Variants in RSRC1 observed in about 807,000 individuals in gnomAD.
RSRC1 encodes serine/Arginine-related protein 53.
Under a neutral mutation model 49.1 loss-of-function variants are expected in RSRC1, and 39 were observed. The observed-to-expected ratio is 0.79, with a 90% CI of 0.61 to 1.04. The LOEUF (loss-of-function observed/expected upper bound fraction) is 1.04. Ranked by LOEUF, RSRC1 falls within the 50% of genes least tolerant of loss-of-function variation. The probability of loss-of-function intolerance (pLI) is 0.00; values close to 1 mark genes in which losing one functional copy is unlikely to be tolerated. For missense variants in RSRC1, 388 were observed against 402.4 expected, an observed-to-expected ratio of 0.96 and a Z score of 0.31; for synonymous variants, 143 against 130.8, an observed-to-expected ratio of 1.09 and a Z score of -0.63.
intron 5 of RSRC1, among the ~76,000 whole-genome samples, chr3:158,342,883 C>T (rs1242346843): frequency 6.6e-6 from 1 of 152,198 alleles, no homozygotes; most frequent in East Asian, 1.9e-4. Flanking sequence ...CCTCAACTTA[C>T]TGCCTAGAGA....
At position 158,447,501 on chromosome 3, in the gene RSRC1, T is replaced by C. The variant is rs148358064; in HGVS notation, c.584-13434T>C. Among the ~76,000 whole-genome samples, 262 of 152,160 alleles carry C rather than the reference T, an allele frequency of 1.7e-3. 1 individual carries two copies. The highest frequency in any genetic ancestry group is 6.2e-3 in the African/African-American group (256 of 41,560). ...AGAATTAGATTTGTTTTATATGTTA[T>C]TTCCACACAGTTTTTAAAAAGCCAT... On this transcript the variant is annotated intron_variant, in intron 6 of 9. Coordinates refer to ENST00000611884, the MANE Select transcript of RSRC1 (RefSeq NM_001271838.2).
chr3:158,233,144 T>A (rs1161944215), intron 4 of RSRC1, among the ~76,000 whole-genome samples: 1 of 152,136 alleles, frequency 6.6e-6, no homozygotes, highest in Non-Finnish European at 1.5e-5. Flanking sequence ...GGGAAAGACA[T>A]AAATTCCTTT....
intron 4 of RSRC1, among the ~76,000 whole-genome samples, chr3:158,215,747 G>A (rs992118572): frequency 6.6e-5 from 10 of 151,806 alleles, no homozygotes; most frequent in Admixed American, 5.3e-4. Flanking sequence ...GCTTCAGTTG[G>A]AATGTGGAAA....
chr3:158,227,948 C>T (rs1722618910), intron 4 of RSRC1, among the ~76,000 whole-genome samples: 2 of 152,012 alleles, frequency 1.3e-5, no homozygotes, highest in Non-Finnish European at 2.9e-5. Flanking sequence ...GACTGCCAAA[C>T]CCTGTTGTAT....
chr3:158,278,487 A>G (rs1725942339), intron 4 of RSRC1, among the ~76,000 whole-genome samples: 3 of 152,166 alleles, frequency 2.0e-5, no homozygotes, highest in Admixed American at 2.0e-4. Flanking sequence ...ATGGAGGCTA[A>G]TTCTTAAGTC....
chr3:158,352,193 G>GCCCAGGAGTTC (rs1238091842), intron 5 of RSRC1, among the ~76,000 whole-genome samples: 1 of 151,850 alleles, frequency 6.6e-6, no homozygotes, highest in East Asian at 1.9e-4. Context: ...GATTACTTAA[G>GCCCAGGAGTTC]CCCAGGAGTT....
intron 6 of RSRC1, among the ~76,000 whole-genome samples, chr3:158,382,946 T>TC (rs1732777640): frequency 6.6e-6 from 1 of 152,206 alleles, no homozygotes; most frequent in South Asian, 2.1e-4. Context: ...AAATAATTCT[T>TC]CCTTCTCTTC....
intron 4 of RSRC1, among the ~76,000 whole-genome samples, chr3:158,210,855 C>T (rs1393626638): frequency 6.6e-6 from 1 of 152,054 alleles, no homozygotes; most frequent in Non-Finnish European, 1.5e-5. Flanking sequence ...TATATCAGTA[C>T]ATTTAAATTA....
chr3:158,123,807 C>T, intron 2 of RSRC1, 59 bp from the exon 3 acceptor site: 1 of 1,500,412 alleles, frequency 6.7e-7, no homozygotes, highest in Non-Finnish European at 9.0e-7. Flanking sequence ...GAAGGTTTTT[C>T]CTTAATGCTC....
intron 7 of RSRC1, among the ~76,000 whole-genome samples, chr3:158,504,226 T>A (rs1739745636): frequency 6.6e-6 from 1 of 152,244 alleles, no homozygotes; most frequent in African/African-American, 2.4e-5. Context: ...GTATTTGGGA[T>A]GTCTCCCAGG....
At chr3:158,429,398 G>A (rs1326599558) in intron 6 of RSRC1, among the ~76,000 whole-genome samples, 1 of 138,466 alleles carries the variant, frequency 7.2e-6, no homozygotes, top group Non-Finnish European at 1.6e-5. Flanking sequence ...TTCAGTTATA[G>A]TAAAAGCAAT....
chr3:158,117,613 AT>A (rs1318687494), intron 1 of RSRC1, among the ~76,000 whole-genome samples: 8 of 138,184 alleles, frequency 5.8e-5, no homozygotes, highest in Non-Finnish European at 9.3e-5. Context: ...TTTTTGGGTA[AT>A]TTTTTTTTGT....
chr3:158,202,227 C>G (rs183499328), intron 3 of RSRC1, among the ~76,000 whole-genome samples: 21 of 152,196 alleles, frequency 1.4e-4, no homozygotes, highest in African/African-American at 4.6e-4. Flanking sequence ...GTTGGCCAGG[C>G]TGGTCTCGGA....
chr3:158,336,202 G>A (rs1729876725), intron 5 of RSRC1, among the ~76,000 whole-genome samples: 2 of 152,230 alleles, frequency 1.3e-5, no homozygotes, highest in Non-Finnish European at 2.9e-5. Flanking sequence ...CTGGGAACAG[G>A]TAACATCCTA....
chr3:158,245,949 CT>C (rs1315565265), intron 4 of RSRC1, among the ~76,000 whole-genome samples: 1 of 152,050 alleles, frequency 6.6e-6, no homozygotes, highest in Non-Finnish European at 1.5e-5. Context: ...TGTAATGAGT[CT>C]TTTAAATACA....
chr3:158,260,506 G>T (rs1724828375), intron 4 of RSRC1, among the ~76,000 whole-genome samples: 1 of 152,068 alleles, frequency 6.6e-6, no homozygotes, highest in Non-Finnish European at 1.5e-5. Flanking sequence ...TTCCAGAGCT[G>T]CACCTGTTCT....
intron 7 of RSRC1, among the ~76,000 whole-genome samples, chr3:158,520,574 A>G (rs1711600306): frequency 6.6e-6 from 1 of 152,168 alleles, no homozygotes; most frequent in African/African-American, 2.4e-5. Context: ...AATTGATTCC[A>G]GGGAATTGTT....
intron 5 of RSRC1, among the ~76,000 whole-genome samples, chr3:158,318,017 TTGTGTGTGCGTGTG>T (rs1728558522): frequency 7.5e-6 from 1 of 132,944 alleles, no homozygotes; most frequent in South Asian, 2.7e-4. Context: ...TTATGAAGTT[TTGTGTGTGCGTGTG>T]TGTGTGTGTG....
At chr3:158,141,213 C>A (rs756947549) in intron 3 of RSRC1, among the ~76,000 whole-genome samples, 1 of 152,138 alleles carries the variant, frequency 6.6e-6, no homozygotes, top group South Asian at 2.1e-4. Flanking sequence ...GCTTCTATTC[C>A]ATGCTTTATC....
Sources: allele counts gnomAD v4.1 joint callset (sites outside exome capture counted in the v4.1 genomes callset), GRCh38; gene constraint gnomAD v4.1.1; transcripts MANE v1.5; gene names NCBI Gene and HGNC (gene_info 2026-07-23, HGNC 2026-07-21).